TMPRSS15: variants seen among roughly 807,000 people sequenced by gnomAD.
The protein encoded by TMPRSS15 is transmembrane serine protease 15.
In TMPRSS15, 128 loss-of-function variants were observed where a neutral mutation model predicts 125.3. The observed-to-expected ratio is 1.02, with a 90% CI of 0.89 to 1.18. The LOEUF is 1.18. Ranked by LOEUF, TMPRSS15 falls within the 50% of genes most tolerant of loss-of-function variation. TMPRSS15 has a pLI of 0.00. For synonymous variants in TMPRSS15, 446 were observed against 423.2 expected, an observed-to-expected ratio of 1.05 and a Z score of -0.66; for missense variants, 1,283 against 1,212.7, an observed-to-expected ratio of 1.06 and a Z score of -0.86.
chr21:18,469,648 A>G (rs187932282), intron 1 of TMPRSS15, among the ~76,000 whole-genome samples: 2 of 152,154 alleles, frequency 1.3e-5, no homozygotes, highest in East Asian at 1.9e-4. Context: ...AGAGCCACAT[A>G]TCATGATAGA....
At chr21:18,457,816 A>G (rs148092605) in intron 1 of TMPRSS15, among the ~76,000 whole-genome samples, 1 of 152,306 alleles carries the variant, frequency 6.6e-6, no homozygotes, top group East Asian at 1.9e-4. Context: ...ATCCTTATCA[A>G]TAGATGGACA....
chr21:18,474,658 A>G (rs1285247328), intron 1 of TMPRSS15, among the ~76,000 whole-genome samples: 2 of 152,220 alleles, frequency 1.3e-5, no homozygotes, highest in African/African-American at 4.8e-5. Flanking sequence ...ATCAACAAAG[A>G]GAATTCTTCA....
intron 1 of TMPRSS15, among the ~76,000 whole-genome samples, chr21:18,443,233 G>C (rs1466889829): frequency 6.6e-6 from 1 of 152,166 alleles, no homozygotes; most frequent in African/African-American, 2.4e-5. Flanking sequence ...TGCTGCTCTC[G>C]TAGAGAACAG....
intron 1 of TMPRSS15, among the ~76,000 whole-genome samples, chr21:18,478,676 T>C (rs1978924800): frequency 6.6e-6 from 1 of 151,938 alleles, no homozygotes; most frequent in Non-Finnish European, 1.5e-5. Context: ...TCTTCGCTTG[T>C]TTCCTTGTCA....
intron 3 of TMPRSS15, among the ~76,000 whole-genome samples, chr21:18,387,714 AG>A (rs1208021560): frequency 6.6e-6 from 1 of 152,086 alleles, no homozygotes; most frequent in Non-Finnish European, 1.5e-5. Flanking sequence ...ATATTGTGAA[AG>A]TAAGAGAAAA....
chr21:18,462,807 A>G (rs141276122), intron 1 of TMPRSS15, among the ~76,000 whole-genome samples: 2 of 152,210 alleles, frequency 1.3e-5, no homozygotes, highest in African/African-American at 4.8e-5. Context: ...GCAGCCAGAG[A>G]GAAAGGTCAG....
At chr21:18,394,902 AC>A (rs2076020875) in intron 3 of TMPRSS15, among the ~76,000 whole-genome samples, 1 of 152,196 alleles carries the variant, frequency 6.6e-6, no homozygotes, top group Non-Finnish European at 1.5e-5. Flanking sequence ...AACTCCAGCA[AC>A]TAGCATTGTC....
At chr21:18,419,252 G>A (rs1285613707) in intron 1 of TMPRSS15, among the ~76,000 whole-genome samples, 3 of 131,324 alleles carry the variant, frequency 2.3e-5, no homozygotes, top group African/African-American at 8.7e-5. Flanking sequence ...TTGAGACGGA[G>A]TCTCGCTCTG....
At chr21:18,368,091 C>T (rs2075755895) in intron 6 of TMPRSS15, among the ~76,000 whole-genome samples, 1 of 151,984 alleles carries the variant, frequency 6.6e-6, no homozygotes, top group South Asian at 2.1e-4. Flanking sequence ...TAGGAGGATG[C>T]AAAAGAGACA....
Position 18,379,321 on chromosome 21 carries a change from GA to G in TMPRSS15, c.497-4del. 2 of 1,290,470 alleles carry G rather than the reference GA, an allele frequency of 1.5e-6. No individual in the cohort carries two copies. Among genetic ancestry groups the G allele is most frequent in the Non-Finnish European group, 2.0e-6 (2 of 978,198 alleles). 79.9% of individuals were successfully genotyped at this position (1,290,470 alleles called of 1,614,324 possible). A position where few individuals can be genotyped will look rare whatever the true frequency, so the allele number is the denominator to read the frequency against. ...ATGACTGGTGGTTGTTAGCTTGTCT[GA>G]AAAATAAATTATATTAAAATAATTA... On this transcript the variant is annotated splice_region_variant and splice_polypyrimidine_tract_variant and intron_variant, in intron 4 of 24. Transcript: ENST00000284885.
chr21:18,406,294 A>G (rs1169737351), upstream of TMPRSS15, among the ~76,000 whole-genome samples: 1 of 152,158 alleles, frequency 6.6e-6, no homozygotes, highest in African/African-American at 2.4e-5. Context: ...AGCCATGCTC[A>G]TTGGTTGAGG....
intron 18 of TMPRSS15, among the ~76,000 whole-genome samples, chr21:18,298,058 T>C (rs1347477590): frequency 6.6e-6 from 1 of 152,234 alleles, no homozygotes; most frequent in Non-Finnish European, 1.5e-5. Flanking sequence ...TTTAATGTAA[T>C]ATCTTTAGTC....
intron 7 of TMPRSS15, among the ~76,000 whole-genome samples, chr21:18,364,708 T>C (rs1287919665): frequency 6.6e-6 from 1 of 152,190 alleles, no homozygotes; most frequent in East Asian, 1.9e-4. Flanking sequence ...TAGAGGCTGT[T>C]CCCTGCTCTT....
intron 1 of TMPRSS15, among the ~76,000 whole-genome samples, chr21:18,451,560 G>A (rs1025791087): frequency 1.3e-5 from 2 of 152,064 alleles, no homozygotes; most frequent in African/African-American, 4.8e-5. Flanking sequence ...GCTGCTTTGG[G>A]GACAGCATTA....
At chr21:18,329,821 T>C (rs1316415182) in intron 14 of TMPRSS15, among the ~76,000 whole-genome samples, 1 of 151,836 alleles carries the variant, frequency 6.6e-6, no homozygotes, top group Non-Finnish European at 1.5e-5. Context: ...TTTTATTGAT[T>C]TTGTAAATAA....
intron 5 of TMPRSS15, among the ~76,000 whole-genome samples, chr21:18,375,276 A>G (rs2075831677): frequency 6.6e-6 from 1 of 152,190 alleles, no homozygotes. Flanking sequence ...ACATGAATAT[A>G]TATTATTACA....
chr21:18,275,557 G>A (rs981424916), intron 23 of TMPRSS15, among the ~76,000 whole-genome samples: 2 of 152,120 alleles, frequency 1.3e-5, no homozygotes, highest in Non-Finnish European at 2.9e-5. Context: ...CTTTTTTACC[G>A]AAGGGCTAGT....
chr21:18,442,168 T>C (rs2076243714), intron 1 of TMPRSS15, among the ~76,000 whole-genome samples: 1 of 152,236 alleles, frequency 6.6e-6, no homozygotes, highest in South Asian at 2.1e-4. Flanking sequence ...AATTGTTTTT[T>C]CTTAGTTACC....
At chr21:18,471,438 T>C (rs556862978) in intron 1 of TMPRSS15, among the ~76,000 whole-genome samples, 21 of 151,460 alleles carry the variant, frequency 1.4e-4, no homozygotes, top group African/African-American at 4.4e-4. Flanking sequence ...TTGTTGTAAT[T>C]CCTGGAGGGA....
Sources: allele counts gnomAD v4.1 joint callset (sites outside exome capture counted in the v4.1 genomes callset), GRCh38; gene constraint gnomAD v4.1.1; transcripts MANE v1.5; gene names NCBI Gene and HGNC (gene_info 2026-07-23, HGNC 2026-07-21).